Variants in CAMTA1 observed in about 807,000 individuals in gnomAD.
CAMTA1 encodes calmodulin-binding transcription activator 1.
CAMTA1 carries 27 observed loss-of-function variants against 170.9 expected under a neutral mutation model. The ratio of observed to expected loss-of-function variants is 0.16; its 90% confidence interval spans 0.12 to 0.22. The LOEUF (loss-of-function observed/expected upper bound fraction) is 0.22, where lower values mean the gene tolerates loss of function less well. CAMTA1 is among the 10% of genes least tolerant of loss of function. CAMTA1 has a pLI of 1.00. For missense variants in CAMTA1, 1,619 were observed against 2,217.2 expected (o/e 0.73, Z 5.42); for synonymous variants, 833 against 891.5 (o/e 0.93, Z 1.17).
intron 6 of CAMTA1, among the ~76,000 whole-genome samples, chr1:7,629,632 G>C (rs2095655568): frequency 6.6e-6 from 1 of 152,136 alleles, no homozygotes; most frequent in Admixed American, 6.5e-5. Context: ...CCTCTCCACT[G>C]TTATCTTTCT....
At chr1:7,569,145 GATC>G (rs1557933118) in intron 6 of CAMTA1, among the ~76,000 whole-genome samples, 1 of 133,280 alleles carries the variant, frequency 7.5e-6, no homozygotes, top group African/African-American at 2.9e-5. Context: ...TCATCACCAC[GATC>G]ATCACCATCT....
chr1:7,668,430 CA>C (rs1294625432), intron 9 of CAMTA1, among the ~76,000 whole-genome samples: 2 of 124,380 alleles, frequency 1.6e-5, no homozygotes, highest in East Asian at 3.6e-4. Flanking sequence ...CACACACACA[CA>C]CCCACCACAC....
At chr1:7,640,806 G>C (rs1356538340) in intron 7 of CAMTA1, among the ~76,000 whole-genome samples, 1 of 152,222 alleles carries the variant, frequency 6.6e-6, no homozygotes, top group African/African-American at 2.4e-5. Context: ...TGGAGACACA[G>C]AGCATGTAGA....
At position 6,986,357 on chromosome 1, in the gene CAMTA1, TACC is replaced by T. The variant is rs1695359792; in HGVS notation, c.235-104943_235-104941del. Among the ~76,000 whole-genome samples the T allele has an allele frequency of 2.0e-5, 3 of 152,282 alleles. No homozygotes were observed. The South Asian group carries it at 6.2e-4, about 32-fold the overall frequency. ...CTTCTGTCCCCTGCGAGGCAGGGGA[TACC>T]ACCCAAGATGTGACAGAGGGAGTTT... On this transcript the variant is annotated intron_variant, in intron 3 of 22. Transcript: ENST00000303635.
intron 3 of CAMTA1, among the ~76,000 whole-genome samples, chr1:6,848,550 C>G (rs1004640670): frequency 6.6e-6 from 1 of 152,204 alleles, no homozygotes; most frequent in Non-Finnish European, 1.5e-5. Flanking sequence ...CGCTGGGAGT[C>G]TGGTGAGGAA....
rs1164751343 is a variant in CAMTA1 at position 7,216,025 on chromosome 1, A to G, written c.303-33466A>G. 6.6e-6 allele frequency among the ~76,000 whole-genome samples: 1 copy of G among 152,226 alleles called. No homozygotes were observed. Among genetic ancestry groups the G allele is most frequent in the Non-Finnish European group, 1.5e-5 (1 of 68,034 alleles). ...GACTGGGTCATTTATAAAGACAAGA[A>G]GTTTAATTGACTCATGGTTCCACAG... On this transcript the variant is annotated intron_variant, in intron 4 of 22. Transcript: ENST00000303635. This position sits in a 1 kb window ranked among gnomAD's most constrained non-coding sequence, Gnocchi z 4.0.
chr1:6,794,182 A>G (rs1641885668), intron 1 of CAMTA1, among the ~76,000 whole-genome samples: 1 of 152,236 alleles, frequency 6.6e-6, no homozygotes, highest in African/African-American at 2.4e-5. Context: ...AGGACAAATA[A>G]GTTGATTGGA....
chr1:7,304,060 G>A (rs1675204562), intron 5 of CAMTA1, among the ~76,000 whole-genome samples: 2 of 134,800 alleles, frequency 1.5e-5, no homozygotes, highest in Admixed American at 7.5e-5. Context: ...AAGGGCTGGG[G>A]GAGGGGAGGG....
At chr1:6,935,981 G>T (rs377349650) in intron 3 of CAMTA1, among the ~76,000 whole-genome samples, 2 of 152,196 alleles carry the variant, frequency 1.3e-5, no homozygotes, top group Non-Finnish European at 2.9e-5. Flanking sequence ...TTTGTGACTC[G>T]AGGCTGTCGG....
At chr1:7,544,590 G>A (rs1487946312) in intron 6 of CAMTA1, among the ~76,000 whole-genome samples, 1 of 152,220 alleles carries the variant, frequency 6.6e-6, no homozygotes, top group Non-Finnish European at 1.5e-5. Context: ...AACTTTCTAT[G>A]CAGCTGAAGT....
At chr1:7,564,511 G>C (rs975406471) in intron 6 of CAMTA1, among the ~76,000 whole-genome samples, 2 of 152,192 alleles carry the variant, frequency 1.3e-5, no homozygotes, top group East Asian at 1.9e-4. Flanking sequence ...CTGTTTCCTG[G>C]GATGGCCCAT....
At chr1:7,541,608 T>C (rs1228795348) in intron 6 of CAMTA1, among the ~76,000 whole-genome samples, 1 of 152,244 alleles carries the variant, frequency 6.6e-6, no homozygotes, top group Non-Finnish European at 1.5e-5. Flanking sequence ...CCTTTTAAGT[T>C]ATAGTTTATT....
intron 10 of CAMTA1, among the ~76,000 whole-genome samples, chr1:7,675,056 A>G (rs1019587868): frequency 1.3e-5 from 2 of 152,210 alleles, no homozygotes; most frequent in African/African-American, 2.4e-5. Flanking sequence ...ACCTGGGAAG[A>G]AGGAGGTTCC....
intron 9 of CAMTA1, among the ~76,000 whole-genome samples, chr1:7,669,090 A>T (rs1039144322): frequency 6.6e-6 from 1 of 152,150 alleles, no homozygotes; most frequent in African/African-American, 2.4e-5. Context: ...TAGCAAGGAG[A>T]TGCCACCCAG....
In CAMTA1 at chr1:7,547,948, G is replaced by A. The variant is rs2094722123; in HGVS notation, c.510+80047G>A. On this transcript the variant is annotated intron_variant, in intron 6 of 22. Coordinates refer to ENST00000303635, the MANE Select transcript of CAMTA1 (RefSeq NM_015215.4). The surrounding 1 kb of genome is among the most constrained non-coding windows in gnomAD (Gnocchi z 5.7). The stretch of plus-strand genomic sequence containing the variant: ...AGGAGGATTCTGAAGCCATCTCCAG[G>A]CTCAGGGGAAACAGTGACGTGATTG... Among the ~76,000 whole-genome samples, 1 of 152,128 alleles carries A rather than the reference G, an allele frequency of 6.6e-6. No individual in the cohort carries two copies. The highest frequency in any genetic ancestry group is 6.5e-5 in the Admixed American group (1 of 15,280).
At chr1:7,365,501 G>C (rs2085896428) in intron 5 of CAMTA1, among the ~76,000 whole-genome samples, 1 of 151,926 alleles carries the variant, frequency 6.6e-6, no homozygotes, top group African/African-American at 2.4e-5. Context: ...GTATAAACGT[G>C]CAGCCAAGCG....
intron 3 of CAMTA1, among the ~76,000 whole-genome samples, chr1:6,828,926 T>G (rs1426304965): frequency 7.2e-6 from 1 of 138,174 alleles, no homozygotes; most frequent in South Asian, 2.6e-4. Flanking sequence ...AGACAGAGTC[T>G]CACTCTGTTG....
chr1:7,473,432 C>G (rs1365276021), intron 6 of CAMTA1, among the ~76,000 whole-genome samples: 4 of 152,196 alleles, frequency 2.6e-5, no homozygotes, highest in East Asian at 1.9e-4. Context: ...AGGAGGAGGA[C>G]AAGTGGCCTC....
chr1:7,313,108 C>T (rs886861570), intron 5 of CAMTA1, among the ~76,000 whole-genome samples: 7 of 152,138 alleles, frequency 4.6e-5, no homozygotes, highest in Admixed American at 2.0e-4. Context: ...GAATTTCTTA[C>T]GGGTTGTGAT....
Sources: gnomAD v4.1 joint callset for allele counts (sites outside exome capture counted in the v4.1 genomes callset) on GRCh38, gnomAD v4.1.1 for gene constraint, Gnocchi (gnomAD v3.1) non-coding constraint, MANE v1.5 for transcripts, NCBI Gene and HGNC (gene_info 2026-07-23, HGNC 2026-07-21) for gene names.